VPS8: variants seen among roughly 807,000 people sequenced by gnomAD.
VPS8 encodes VPS8 subunit of CORVET complex, also known as vacuolar protein sorting-associated protein 8 homolog.
Under a neutral mutation model 216.4 loss-of-function variants are expected in VPS8, and 129 were observed. That is an observed-to-expected ratio of 0.60 (90% CI 0.52 to 0.69). The LOEUF (loss-of-function observed/expected upper bound fraction) is 0.69, where lower values mean the gene tolerates loss of function less well. Among genes scored for constraint, VPS8 ranks in the 30% least tolerant of loss-of-function variants. VPS8 has a pLI of 0.00. For synonymous variants in VPS8, 571 were observed against 565.4 expected (o/e 1.01, Z -0.14); for missense variants, 1,531 against 1,683.5 (o/e 0.91, Z 1.59).
At chr3:184,950,670 T>C (rs1744539772) in intron 36 of VPS8, among the ~76,000 whole-genome samples, 1 of 152,178 alleles carries the variant, frequency 6.6e-6, no homozygotes, top group South Asian at 2.1e-4. Flanking sequence ...ACATGTGCCA[T>C]GGTGGTTTGC....
chr3:184,986,592 C>A (rs907500793), intron 42 of VPS8, among the ~76,000 whole-genome samples: 2 of 152,114 alleles, frequency 1.3e-5, no homozygotes, highest in Non-Finnish European at 1.5e-5. Context: ...GACAGAGGTT[C>A]ATTTTCTTGA....
At chr3:184,965,980 C>T (rs1747341379) in intron 38 of VPS8, among the ~76,000 whole-genome samples, 1 of 152,202 alleles carries the variant, frequency 6.6e-6, no homozygotes, top group African/African-American at 2.4e-5. Context: ...CTTTTACTCA[C>T]AACCCAGTAT....
rs753088891 is a variant in VPS8, at chr3:184,915,335, A to T, written c.2263-20A>T. On this transcript the variant is annotated intron_variant, in intron 27 of 47. Coordinates refer to ENST00000625842, the MANE Select transcript of VPS8 (RefSeq NM_001009921.3). The stretch of plus-strand genomic sequence containing the variant: ...TTTGTCAGGTGAGAAAATAATCAAC[A>T]TTTTTTTCCCAACTTGCAGGTTTTT... 1 of 1,607,664 alleles carries T rather than the reference A, an allele frequency of 6.2e-7. No homozygotes were observed. Among genetic ancestry groups the T allele is most frequent in the Non-Finnish European group, 8.5e-7 (1 of 1,176,908 alleles).
intron 37 of VPS8, among the ~76,000 whole-genome samples, chr3:184,963,168 C>T (rs1746820772): frequency 6.6e-6 from 1 of 152,036 alleles, no homozygotes; most frequent in Non-Finnish European, 1.5e-5. Flanking sequence ...CCTACATCTC[C>T]TAGTATTCCA....
intron 45 of VPS8, among the ~76,000 whole-genome samples, chr3:185,010,573 TTAAAAC>T (rs1754871732): frequency 6.6e-6 from 1 of 151,894 alleles, no homozygotes. Flanking sequence ...CATCTAGAGA[TTAAAAC>T]TACAATGTCT....
chr3:185,002,171 T>G (rs1397258597), intron 45 of VPS8, among the ~76,000 whole-genome samples: 1 of 152,232 alleles, frequency 6.6e-6, no homozygotes. Context: ...TGCCAATACT[T>G]ATGGCATTAT....
intron 7 of VPS8, among the ~76,000 whole-genome samples, chr3:184,841,524 G>A (rs1394588265): frequency 2.0e-5 from 3 of 151,942 alleles, no homozygotes; most frequent in African/African-American, 4.8e-5. Flanking sequence ...GAACATCTTC[G>A]TTACTACATT....
intron 40 of VPS8, 38 bp from the exon 41 acceptor site, chr3:184,982,528 C>T (rs762870171): frequency 6.7e-7 from 1 of 1,484,318 alleles, no homozygotes; most frequent in East Asian, 2.3e-5. Flanking sequence ...TTTTCTTTGA[C>T]CACTTTTCTT....
chr3:184,989,356 TG>T (rs1751560502), intron 42 of VPS8, among the ~76,000 whole-genome samples: 1 of 152,252 alleles, frequency 6.6e-6, no homozygotes, highest in Non-Finnish European at 1.5e-5. Flanking sequence ...TTTCTGCATC[TG>T]CTAATATGAT....
chr3:184,936,246 G>A lies in VPS8; in HGVS notation c.2899G>A (p.Glu967Lys). Residue 967 changes from glutamate (E) to lysine (K), a missense_variant and splice_region_variant, in exon 35 of 48, where the codon GAA becomes AAA. Around this residue, in one of 3 missense-constraint regions of VPS8, gnomAD observed 1,318 missense variants for 1,468.4 expected, o/e 0.90. Coordinates refer to ENST00000625842, the MANE Select transcript of VPS8 (RefSeq NM_001009921.3). ...GCTTTGTCTTTTCCTTTAACTCCAG[G>A]AACTCGTGTCCCTGAAGCCTTGTAA... ...VWQKAMDHIE[E>K]LVSLKPCKAA... 1.9e-6 allele frequency: 3 copies of A among 1,605,188 alleles called. No homozygotes were observed. The highest frequency in any genetic ancestry group is 2.6e-6 in the Non-Finnish European group (3 of 1,175,718).
intron 46 of VPS8, among the ~76,000 whole-genome samples, chr3:185,032,634 GTTTGA>G (rs201474822): frequency 0.028 from 4,197 of 152,152 alleles, 70 homozygotes; most frequent in Non-Finnish European, 0.044. Flanking sequence ...TTAATAAGCA[GTTTGA>G]TTTTGTTAAT....
At chr3:184,935,476 T>TTTATTTA (rs1210735669) in intron 34 of VPS8, among the ~76,000 whole-genome samples, 1 of 152,152 alleles carries the variant, frequency 6.6e-6, no homozygotes, top group Non-Finnish European at 1.5e-5. Context: ...TCATAGTGGT[T>TTTATTTA]TGTCTGAGTT....
intron 21 of VPS8, among the ~76,000 whole-genome samples, chr3:184,873,685 A>G (rs1728748205): frequency 6.6e-6 from 1 of 152,190 alleles, no homozygotes; most frequent in Admixed American, 6.5e-5. Context: ...TTTCATGACC[A>G]CAGAGAATGG....
At chr3:184,934,205 G>A (rs769968309) in intron 34 of VPS8, among the ~76,000 whole-genome samples, 12 of 151,832 alleles carry the variant, frequency 7.9e-5, no homozygotes, top group Non-Finnish European at 1.3e-4. Context: ...CTCACTCACT[G>A]TGTCGCCCAG....
intron 42 of VPS8, among the ~76,000 whole-genome samples, chr3:184,987,696 A>G (rs1340648503): frequency 2.0e-5 from 3 of 152,164 alleles, no homozygotes; most frequent in Admixed American, 6.6e-5. Context: ...ATGAACATTC[A>G]TATGCAGGCT....
At chr3:185,044,677 G>A (rs914256832) in intron 46 of VPS8, among the ~76,000 whole-genome samples, 1 of 152,046 alleles carries the variant, frequency 6.6e-6, no homozygotes, top group African/African-American at 2.4e-5. Flanking sequence ...CCTTAGAACT[G>A]CTCATTCTAG....
At chr3:184,829,090 T>C (rs1214345402) in intron 3 of VPS8, among the ~76,000 whole-genome samples, 1 of 152,264 alleles carries the variant, frequency 6.6e-6, no homozygotes, top group Non-Finnish European at 1.5e-5. Flanking sequence ...TTCATTCTAC[T>C]GTTGATAGGT....
At chr3:184,926,779 A>G (rs997051046) in intron 31 of VPS8, 129 bp downstream of exon 31, 1 of 864,266 alleles carries the variant, frequency 1.2e-6, no homozygotes, top group Non-Finnish European at 1.8e-6. Context: ...ACGAAGTTAG[A>G]GTCAGTGGGA....
intron 36 of VPS8, among the ~76,000 whole-genome samples, chr3:184,941,990 C>T (rs998853621): frequency 1.3e-5 from 2 of 151,750 alleles, no homozygotes; most frequent in African/African-American, 4.8e-5. Context: ...TTGGATTCAT[C>T]ATATTTTATC....
Sources: gnomAD v4.1 joint callset for allele counts (sites outside exome capture counted in the v4.1 genomes callset) on GRCh38, gnomAD v4.1.1 for gene constraint, gnomAD v4.1.1 regional missense constraint, MANE v1.5 for transcripts, NCBI Gene and HGNC (gene_info 2026-07-23, HGNC 2026-07-21) for gene names.